Variants in TGFBR2 observed in about 807,000 individuals in gnomAD.
TGFBR2 encodes transforming growth factor beta receptor 2, also known as TGF-beta receptor type-2.
Under a neutral mutation model 49.0 loss-of-function variants are expected in TGFBR2, and 18 were observed. That is an observed-to-expected ratio of 0.37 (90% CI 0.25 to 0.54). The LOEUF (loss-of-function observed/expected upper bound fraction) is 0.54, where lower values mean the gene tolerates loss of function less well. Among genes scored for constraint, TGFBR2 ranks in the 20% least tolerant of loss-of-function variants. The probability of loss-of-function intolerance (pLI) is 0.85; values close to 1 mark genes in which losing one functional copy is unlikely to be tolerated. For synonymous variants in TGFBR2, 282 were observed against 275.9 expected, an observed-to-expected ratio of 1.02 and a Z score of -0.22; for missense variants, 525 against 722.6, an observed-to-expected ratio of 0.73 and a Z score of 3.13.
chr3:30,681,965 G>C (rs1699549903), intron 5 of TGFBR2, among the ~76,000 whole-genome samples: 1 of 152,192 alleles, frequency 6.6e-6, no homozygotes, highest in African/African-American at 2.4e-5. Context: ...TGGGCAACTG[G>C]AGTATAACTA....
intron 5 of TGFBR2, among the ~76,000 whole-genome samples, chr3:30,677,817 G>A (rs1699466597): frequency 6.6e-6 from 1 of 152,138 alleles, no homozygotes; most frequent in Admixed American, 6.5e-5. Context: ...GTAGTCTACA[G>A]GAAACAGTTG....
At chr3:30,673,237 A>C (rs1699374612) in intron 4 of TGFBR2, among the ~76,000 whole-genome samples, 1 of 152,222 alleles carries the variant, frequency 6.6e-6, no homozygotes, top group Non-Finnish European at 1.5e-5. Flanking sequence ...GTAATGAGCC[A>C]TGCAATGACC....
chr3:30,644,616 T>A lies in TGFBR2; in HGVS notation c.95-131T>A. On this transcript the variant is annotated intron_variant, in intron 1 of 6. Transcript: ENST00000295754. The stretch of plus-strand genomic sequence containing the variant: ...ATAATTCTAATCTGATGTGAAGGAA[T>A]TATTTTGCCTTTCTTCAGATTCATT... 3 of 824,522 alleles carry A rather than the reference T, an allele frequency of 3.6e-6. No homozygotes were observed. The South Asian group carries it at 4.4e-5, about 12-fold the overall frequency. 51.1% of individuals were successfully genotyped at this position (824,522 alleles called of 1,614,324 possible). A position where few individuals can be genotyped will look rare whatever the true frequency, so the allele number is the denominator to read the frequency against.
At chr3:30,621,287 T>TTTC (rs1314897850) in intron 1 of TGFBR2, among the ~76,000 whole-genome samples, 2 of 149,004 alleles carry the variant, frequency 1.3e-5, no homozygotes, top group Non-Finnish European at 3.0e-5. Context: ...TCTTTTTTTT[T>TTTC]TTTTTTTTTT....
In TGFBR2 at chr3:30,693,898, A is replaced by G. The variant is rs917507797; in HGVS notation, c.*2299A>G. On this transcript the variant is annotated 3_prime_UTR_variant, in exon 7 of 7. Transcript: ENST00000295754. ...ATAACATTCTGTAGTTCCTAAAAAT[A>G]CTGACTTTTTTCACTACTATACATA... 4.3e-6 allele frequency: 1 copy of G among 232,132 alleles called. No individual in the cohort carries two copies. 14.4% of individuals were successfully genotyped at this position (232,132 alleles called of 1,614,324 possible).
chr3:30,674,487 C>T (rs1699399315), intron 5 of TGFBR2, among the ~76,000 whole-genome samples: 1 of 152,180 alleles, frequency 6.6e-6, no homozygotes, highest in Non-Finnish European at 1.5e-5. Flanking sequence ...TATAATTACT[C>T]TTCTCTTGAC....
At chr3:30,642,042 C>T (rs1698657167) in intron 1 of TGFBR2, among the ~76,000 whole-genome samples, 2 of 152,054 alleles carry the variant, frequency 1.3e-5, no homozygotes. Context: ...GTCAATACAT[C>T]TGTGGCCACC....
intron 3 of TGFBR2, among the ~76,000 whole-genome samples, chr3:30,662,936 T>C (rs1699160961): frequency 6.6e-6 from 1 of 152,220 alleles, no homozygotes; most frequent in East Asian, 1.9e-4. Flanking sequence ...AATGAATCAC[T>C]GAGAGAACTT....
At chr3:30,681,165 A>G (rs1433470680) in intron 5 of TGFBR2, among the ~76,000 whole-genome samples, 2 of 146,090 alleles carry the variant, frequency 1.4e-5, no homozygotes, top group Non-Finnish European at 3.0e-5. Flanking sequence ...GAGATGAAAA[A>G]AAAAAAAAAA....
chr3:30,654,609 T>G (rs535356200), intron 3 of TGFBR2, among the ~76,000 whole-genome samples: 2 of 152,270 alleles, frequency 1.3e-5, no homozygotes, highest in Non-Finnish European at 2.9e-5. Context: ...CTAACCAACA[T>G]ATAAAATTCC....
chr3:30,654,223 A>G (rs1253203365), intron 3 of TGFBR2, among the ~76,000 whole-genome samples: 3 of 152,226 alleles, frequency 2.0e-5, no homozygotes, highest in African/African-American at 7.2e-5. Context: ...GTTGTAAATG[A>G]GGCTTGGTTG....
At chr3:30,643,691 A>G (rs1175849083) in intron 1 of TGFBR2, among the ~76,000 whole-genome samples, 2 of 152,196 alleles carry the variant, frequency 1.3e-5, no homozygotes, top group Non-Finnish European at 2.9e-5. Flanking sequence ...CTGCTATGTG[A>G]AAGGTTCTCT....
Position 30,623,250 on chromosome 3 carries a change from G to A in TGFBR2, c.94+16273G>A, listed in dbSNP as rs781529108. On this transcript the variant is annotated intron_variant, in intron 1 of 6. Transcript: ENST00000295754. ...GAAATCATCTGCCCCAGCTGTAATA[G>A]GACTGCCCATCCACTGAGACATAGT... 1.9e-5 allele frequency: 30 copies of A among 1,613,578 alleles called. No individual in the cohort carries two copies. Among genetic ancestry groups the A allele is most frequent in the Non-Finnish European group, 2.4e-5 (28 of 1,179,696 alleles).
At chr3:30,656,615 G>C (rs1699005194) in intron 3 of TGFBR2, among the ~76,000 whole-genome samples, 1 of 152,178 alleles carries the variant, frequency 6.6e-6, no homozygotes, top group Non-Finnish European at 1.5e-5. Context: ...TGGAAAACAA[G>C]ATGGTAAGCC....
intron 3 of TGFBR2, among the ~76,000 whole-genome samples, chr3:30,653,520 A>G (rs1964359): frequency 0.16 from 24,461 of 151,886 alleles, 2,239 homozygotes; most frequent in East Asian, 0.37. Flanking sequence ...CCAAAGTGCT[A>G]GGATTACAGG....
At chr3:30,681,706 A>G (rs1243877971) in intron 5 of TGFBR2, among the ~76,000 whole-genome samples, 2 of 152,236 alleles carry the variant, frequency 1.3e-5, no homozygotes, top group South Asian at 2.1e-4. Context: ...GGAAATTCTG[A>G]GGTGTTCAGC....
In TGFBR2 at chr3:30,693,008, G is replaced by T. The variant is rs1250693828; in HGVS notation, c.*1409G>T. On this transcript the variant is annotated 3_prime_UTR_variant, in exon 7 of 7. Transcript: ENST00000295754. ...GGAATTAAATCTGCACCTAACCAAG[G>T]TCCCTTGTAAGAAATGTCCATTCAA... is the stretch of plus-strand genomic sequence containing the variant. 1.7e-5 allele frequency: 4 copies of T among 233,054 alleles called. No homozygotes were observed. Among genetic ancestry groups the T allele is most frequent in the African/African-American group, 6.6e-5 (3 of 45,282 alleles). 14.4% of individuals were successfully genotyped at this position (233,054 alleles called of 1,614,324 possible).
At chr3:30,632,573 C>A (rs966718018) in intron 1 of TGFBR2, among the ~76,000 whole-genome samples, 7 of 152,190 alleles carry the variant, frequency 4.6e-5, no homozygotes, top group Non-Finnish European at 1.0e-4. Context: ...TAGAAGTCAT[C>A]AAACTGCTAC....
intron 1 of TGFBR2, among the ~76,000 whole-genome samples, chr3:30,611,994 C>A (rs1377261804): frequency 1.3e-5 from 2 of 152,192 alleles, no homozygotes; most frequent in Non-Finnish European, 2.9e-5. Flanking sequence ...AGAATGCTCA[C>A]CGCTTCTTTT....
Sources: allele counts gnomAD v4.1 joint callset (sites outside exome capture counted in the v4.1 genomes callset), GRCh38; gene constraint gnomAD v4.1.1; transcripts MANE v1.5; gene names NCBI Gene and HGNC (gene_info 2026-07-23, HGNC 2026-07-21).